DLG3: variants seen among roughly 807,000 people sequenced by gnomAD.
DLG3 encodes disks large homolog 3.
A neutral mutation model predicts 64.1 loss-of-function variants in DLG3; 1 was observed. That is an observed-to-expected ratio of 0.02 (90% CI 0.01 to 0.07). The LOEUF is 0.07. Ranked by LOEUF, DLG3 falls within the 10% of genes least tolerant of loss-of-function variation. The pLI is 1.00. For missense variants in DLG3, 429 were observed against 669.5 expected, an observed-to-expected ratio of 0.64 and a Z score of 3.96; for synonymous variants, 245 against 259.8, an observed-to-expected ratio of 0.94 and a Z score of 0.55.
intron 1 of DLG3, 70 bp downstream of exon 1, chrX:70,445,628 G>C: frequency 9.8e-7 from 1 of 1,021,321 alleles, no homozygotes. Context: ...CTAGAGGCCT[G>C]GGATGCAGTA....
At chrX:70,457,762 G>A (rs1480912816) in intron 9 of DLG3, among the ~76,000 whole-genome samples, 3 of 110,370 alleles carry the variant, frequency 2.7e-5, no homozygotes, top group South Asian at 3.9e-4. Context: ...TAGTAGAGAC[G>A]GGGTTTCACC....
chrX:70,482,660 G>GTTTTT (rs200729766), intron 10 of DLG3, among the ~76,000 whole-genome samples: 12,189 of 67,391 alleles, frequency 0.18, 1,244 homozygotes, highest in African/African-American at 0.3. Flanking sequence ...TACATGTGTG[G>GTTTTT]TGTTTTTTTT....
chrX:70,470,236 T>A, intron 9 of DLG3, among the ~76,000 whole-genome samples: 1 of 109,061 alleles, frequency 9.2e-6, no homozygotes, highest in African/African-American at 3.3e-5. Context: ...CATTTCTAAT[T>A]TTTTTTTTTT....
Position 70,502,349 on chromosome X carries a change from T to C in DLG3, c.*80T>C, listed in dbSNP as rs1215282019. 1 of 720,783 alleles carries C rather than the reference T, an allele frequency of 1.4e-6. No homozygotes were observed. The highest frequency in any genetic ancestry group is 2.1e-5 in the African/African-American group (1 of 46,712). 59.4% of individuals were successfully genotyped at this position (720,783 alleles called of 1,213,427 possible). A position where few individuals can be genotyped will look rare whatever the true frequency, so the allele number is the denominator to read the frequency against. ...TCCTCCCTCTTCATTCCTGTCCCCA[T>C]GGGGAGAACAAATGCTACTGTTCTT... On this transcript the variant is annotated 3_prime_UTR_variant, in exon 19 of 19. Coordinates refer to ENST00000374360, the MANE Select transcript of DLG3 (RefSeq NM_021120.4).
rs1283289847 is a variant in DLG3 at position 70,502,424 on chromosome X, CTTT to C, written c.*166_*168del. 7 of 346,469 alleles carry C rather than the reference CTTT, an allele frequency of 2.0e-5. No homozygotes were observed. Among genetic ancestry groups the C allele is most frequent in the Middle Eastern group, 8.0e-4 (1 of 1,254 alleles). The allele number at this position is 346,469 out of a possible 1,213,427, so 28.6% of individuals were successfully genotyped here. A position where few individuals can be genotyped will look rare whatever the true frequency, so the allele number is the denominator to read the frequency against. The stretch of plus-strand genomic sequence containing the variant: ...AAAAATTAAGTTTTCTAGTCCTGTT[CTTT>C]TTTTTTTTTTAAGTTTTTGTTTGTT... On this transcript the variant is annotated 3_prime_UTR_variant, in exon 19 of 19. Coordinates refer to ENST00000374360, the MANE Select transcript of DLG3 (RefSeq NM_021120.4).
chrX:70,454,296 T>C lies in DLG3; in HGVS notation c.1385T>C (p.Val462Ala), dbSNP rs767324184. 2 of 1,210,675 alleles carry C rather than the reference T, an allele frequency of 1.7e-6. No individual in the cohort carries two copies. The highest frequency in any genetic ancestry group is 2.2e-6 in the Non-Finnish European group (2 of 894,569). The change falls in exon 9 of 19, where the codon GTG becomes GCG. Residue 462 changes from valine (V) to alanine (A), a missense_variant. This residue lies in a region of DLG3 where 46 missense variants were observed against 52.3 expected (regional missense o/e 0.88). Coordinates refer to ENST00000374360, the MANE Select transcript of DLG3 (RefSeq NM_021120.4). ...CGGGCCGGCCAGTCAGTCACCATTGTGGCCCAGTACAGACCTGAAGGTAGG... is the reference window on the plus strand; with the variant it reads ...CGGGCCGGCCAGTCAGTCACCATTGCGGCCCAGTACAGACCTGAAGGTAGG... ...LKRAGQSVTI[V>A]AQYRPEEYSR...
At chrX:70,499,780 C>G in intron 15 of DLG3, 97 bp from the exon 16 acceptor site, 2 of 938,632 alleles carry the variant, frequency 2.1e-6, no homozygotes, top group South Asian at 4.2e-5. Context: ...TGGAGTGGCC[C>G]AGTGACCCAC....
intron 10 of DLG3, among the ~76,000 whole-genome samples, chrX:70,489,875 A>G (rs1217104319): frequency 9.1e-6 from 1 of 109,887 alleles, no homozygotes; most frequent in Non-Finnish European, 1.9e-5. Flanking sequence ...TTTATTATTT[A>G]TTTTTTAGAC....
At chrX:70,446,335 C>T (rs919353022) in intron 1 of DLG3, among the ~76,000 whole-genome samples, 1 of 104,594 alleles carries the variant, frequency 9.6e-6, no homozygotes, top group Non-Finnish European at 1.9e-5. Context: ...AGGAAGGAGG[C>T]GAGAGACATG....
intron 13 of DLG3, among the ~76,000 whole-genome samples, chrX:70,496,157 C>T (rs1444433798): frequency 8.9e-6 from 1 of 112,652 alleles, no homozygotes; most frequent in Non-Finnish European, 1.9e-5. Flanking sequence ...CATCCTGCTG[C>T]GTGCAAGGGT....
intron 10 of DLG3, among the ~76,000 whole-genome samples, chrX:70,485,847 G>T (rs1602961172): frequency 8.9e-6 from 1 of 111,767 alleles, no homozygotes; most frequent in Non-Finnish European, 1.9e-5. Flanking sequence ...AGAGGACCCA[G>T]CTGAAAGGAA....
Position 70,445,075 on chromosome X carries a change from C to G in DLG3, c.-127C>G. On this transcript the variant is annotated 5_prime_UTR_variant, in exon 1 of 19. Transcript: ENST00000374360. ...CCCGGGCGCCCCCACGGGTGCCCCC[C>G]CCTTCTTGGTCCGAGCAGTGTGAGT... is the stretch of plus-strand genomic sequence containing the variant. The G allele has an allele frequency of 2.0e-6, 1 of 501,510 alleles. No homozygotes were observed. The highest frequency in any genetic ancestry group is 2.9e-6 in the Non-Finnish European group (1 of 341,040). The allele number at this position is 501,510 out of a possible 1,213,427, so 41.3% of individuals were successfully genotyped here.
chrX:70,452,381 T>C lies in DLG3; in HGVS notation c.1145+355T>C, dbSNP rs2086628488. 1.1e-5 allele frequency: 11 copies of C among 956,783 alleles called. No homozygotes were observed. In the South Asian group the frequency reaches 4.6e-4, roughly 40 times the overall value. 78.8% of individuals were successfully genotyped at this position (956,783 alleles called of 1,213,427 possible). ...CCCGCTCTGCTGCAACCATTTCAAA[T>C]TAGAGAAGAAAGCAGTTCAGCCGGT... On this transcript the variant is annotated intron_variant, in intron 7 of 18. Transcript: ENST00000374360.
At chrX:70,477,850 A>G (rs2087083110) in intron 9 of DLG3, among the ~76,000 whole-genome samples, 1 of 111,209 alleles carries the variant, frequency 9.0e-6, no homozygotes, top group Admixed American at 9.5e-5. Flanking sequence ...TTCCCCTTAC[A>G]CCCAGTTGAA....
chrX:70,487,647 G>A (rs114534497), intron 10 of DLG3, among the ~76,000 whole-genome samples: 15 of 111,995 alleles, frequency 1.3e-4, no homozygotes, highest in African/African-American at 4.9e-4. Context: ...TCCGTATAAA[G>A]AAGACTAAGT....
chrX:70,445,324 A>G lies in DLG3; in HGVS notation c.123A>G (p.Pro41=). 1.7e-6 allele frequency: 2 copies of G among 1,167,628 alleles called. No individual in the cohort carries two copies. The highest frequency in any genetic ancestry group is 2.3e-6 in the Non-Finnish European group (2 of 874,847). ...GGCAAGTCCCCGACCCTTACGGGCCAGGTGGGGGCAACGGCGCCAGCGCGG... is the reference window on the plus strand; with the variant it reads ...GGCAAGTCCCCGACCCTTACGGGCCGGGTGGGGGCAACGGCGCCAGCGCGG... ...GDWQVPDPYG[P]GGGNGASAGY... Residue 41 remains proline, a synonymous_variant, in exon 1 of 19, where the codon CCA becomes CCG. Coordinates refer to ENST00000374360, the MANE Select transcript of DLG3 (RefSeq NM_021120.4).
chrX:70,452,098 G>T, intron 7 of DLG3, 72 bp downstream of exon 7: 1 of 1,161,282 alleles, frequency 8.6e-7, no homozygotes, highest in Non-Finnish European at 1.2e-6. Flanking sequence ...GTTTCTGGCC[G>T]GCCACAGGCT....
intron 10 of DLG3, among the ~76,000 whole-genome samples, chrX:70,482,684 T>C (rs1354748350): frequency 1.1e-5 from 1 of 94,372 alleles, no homozygotes; most frequent in Non-Finnish European, 2.1e-5. Context: ...TTTTTTTTTT[T>C]TGACGGAGTC....
intron 18 of DLG3, among the ~76,000 whole-genome samples, chrX:70,501,416 T>A (rs979162114): frequency 9.5e-6 from 1 of 104,936 alleles, no homozygotes; most frequent in Non-Finnish European, 2.0e-5. Flanking sequence ...TGTCTGTCTG[T>A]GTGTGTGTGT....
Sources: allele counts gnomAD v4.1 joint callset (sites outside exome capture counted in the v4.1 genomes callset), GRCh38; gene constraint gnomAD v4.1.1; regional missense constraint gnomAD v4.1.1; transcripts MANE v1.5; gene names NCBI Gene and HGNC (gene_info 2026-07-23, HGNC 2026-07-21).